The following PCDHB13 variants were observed in gnomAD, a reference collection of about 807,000 sequenced individuals.
PCDHB13 encodes the protein protocadherin beta-13.
For synonymous variants in PCDHB13, 515 were observed against 450.7 expected, an observed-to-expected ratio of 1.14 and a Z score of -1.81; for missense variants, 1,065 against 1,016.7, an observed-to-expected ratio of 1.05 and a Z score of -0.65.
rs1754663980 is a variant in PCDHB13 at position 141,218,534 on chromosome 5, G to C, written c.*2014G>C. Reference sequence around the variant, plus strand: ...GCTCACTGAAGCCTTGACCTCCTGGGCTCAAGCAATCCTCCTGACGCAGCA... The same window carrying C: ...GCTCACTGAAGCCTTGACCTCCTGGCCTCAAGCAATCCTCCTGACGCAGCA... On this transcript the variant is annotated 3_prime_UTR_variant, in exon 1 of 1. Coordinates refer to ENST00000341948, the MANE Select transcript of PCDHB13 (RefSeq NM_018933.4). The C allele has an allele frequency of 6.5e-6, 1 of 153,406 alleles. No homozygotes were observed. Among genetic ancestry groups the C allele is most frequent in the Non-Finnish European group, 1.5e-5 (1 of 68,188 alleles). 9.5% of individuals were successfully genotyped at this position (153,406 alleles called of 1,614,324 possible). A position where few individuals can be genotyped will look rare whatever the true frequency, so the allele number is the denominator to read the frequency against.
Position 141,215,433 on chromosome 5 carries a change from T to C in PCDHB13, c.1310T>C (p.Met437Thr), listed in dbSNP as rs782704651. The change falls in exon 1 of 1, where the codon ATG (methionine) becomes ACG (threonine). Residue 437 changes from methionine (M) to threonine (T), a missense_variant. Met to Thr is a moderately conservative substitution (Grantham distance 81). Coordinates refer to ENST00000341948, the MANE Select transcript of PCDHB13 (RefSeq NM_018933.4). Reference sequence around the variant, plus strand: ...CCTATGCTGATAACACAGCTCAATATGACCGTGCTGATCGCCGATGTCAAT... The same window carrying C: ...CCTATGCTGATAACACAGCTCAATACGACCGTGCTGATCGCCGATGTCAAT... ...GTPMLITQLNMTVLIADVNDN... is the reference protein window; with the variant it reads ...GTPMLITQLNTTVLIADVNDN... The C allele has an allele frequency of 8.1e-6, 13 of 1,614,062 alleles. No individual in the cohort carries two copies. In the South Asian group the frequency reaches 1.4e-4, roughly 18 times the overall value.
In PCDHB13 at chr5:141,215,380, C is replaced by G. The variant is rs1754569231; in HGVS notation, c.1257C>G (p.Ile419Met). Residue 419 changes from isoleucine (I) to methionine (M), a missense_variant, in exon 1 of 1, where the codon ATC (isoleucine) becomes ATG (methionine). By Grantham distance (10) the Ile-to-Met change is conservative. Coordinates refer to ENST00000341948, the MANE Select transcript of PCDHB13 (RefSeq NM_018933.4). ...LDRESRAEYN[I>M]TITVTDLGTP... Reference sequence around the variant, plus strand: ...GAGAAAGCAGAGCGGAATACAACATCACTATCACTGTCACTGACTTGGGGA... The same window carrying G: ...GAGAAAGCAGAGCGGAATACAACATGACTATCACTGTCACTGACTTGGGGA... 3 of 1,614,078 alleles carry G rather than the reference C, an allele frequency of 1.9e-6. No individual in the cohort carries two copies. The highest frequency in any genetic ancestry group is 2.5e-6 in the Non-Finnish European group (3 of 1,180,062).
chr5:141,216,517 G>A lies in PCDHB13; in HGVS notation c.2394G>A (p.Gln798=), dbSNP rs782767247. ...TFPNNFGFNI[Q] Reference sequence around the variant, plus strand: ...CCAATAACTTTGGGTTCAATATTCAGTGACCATAGTTGACTTTTACATTCC... The same window carrying A: ...CCAATAACTTTGGGTTCAATATTCAATGACCATAGTTGACTTTTACATTCC... Residue 798 remains glutamine, a synonymous_variant, in exon 1 of 1, where the codon CAG becomes CAA. Transcript: ENST00000341948. 2.3e-5 allele frequency: 37 copies of A among 1,609,880 alleles called. No individual in the cohort carries two copies. The highest frequency in any genetic ancestry group is 3.0e-5 in the Non-Finnish European group (35 of 1,176,434).
chr5:141,216,114 A>G lies in PCDHB13; in HGVS notation c.1991A>G (p.Asp664Gly), dbSNP rs1370148055. 3.1e-6 allele frequency: 5 copies of G among 1,608,878 alleles called. No homozygotes were observed. In the African/African-American group the frequency reaches 6.7e-5, roughly 21 times the overall value. ...ATATLHVLLV[D>G]GFSQPYLPLP... ...GCCACGCTGCACGTGCTCCTGGTGG[A>G]CGGCTTCTCCCAGCCCTACCTGCCT... is the stretch of plus-strand genomic sequence containing the variant. The change falls in exon 1 of 1, where the codon GAC (aspartate) becomes GGC (glycine). Residue 664 changes from aspartate to glycine, a missense_variant. Asp to Gly is a moderately conservative substitution (Grantham distance 94). Transcript: ENST00000341948.
At position 141,216,916 on chromosome 5, in the gene PCDHB13, C is replaced by T. The variant is rs1174446618; in HGVS notation, c.*396C>T. The T allele has an allele frequency of 3.5e-6, 1 of 282,910 alleles. No individual in the cohort carries two copies. The allele number at this position is 282,910 out of a possible 1,614,324, so 17.5% of individuals were successfully genotyped here. On this transcript the variant is annotated 3_prime_UTR_variant, in exon 1 of 1. Coordinates refer to ENST00000341948, the MANE Select transcript of PCDHB13 (RefSeq NM_018933.4). ...TTTTTTAGTCTTAAAATAATGACTCCTATTCAGACATATCATTTTTCTTTT... is the reference window on the plus strand; with the variant it reads ...TTTTTTAGTCTTAAAATAATGACTCTTATTCAGACATATCATTTTTCTTTT...
chr5:141,215,712 G>T lies in PCDHB13; in HGVS notation c.1589G>T (p.Arg530Leu), dbSNP rs1554287992. Residue 530 changes from arginine (R) to leucine (L), a missense_variant, in exon 1 of 1, where the codon CGC (arginine) becomes CTC (leucine). Coordinates refer to ENST00000341948, the MANE Select transcript of PCDHB13 (RefSeq NM_018933.4). ...DYEALQGFQF[R>L]VGASDHGSPA... The stretch of plus-strand genomic sequence containing the variant: ...GAGGCCCTGCAGGGGTTCCAGTTCC[G>T]CGTGGGCGCTTCAGACCACGGCTCC... The T allele has an allele frequency of 9.9e-6, 16 of 1,612,590 alleles. No homozygotes were observed. Among genetic ancestry groups the T allele is most frequent in the Middle Eastern group, 2.0e-4 (1 of 4,982 alleles).
chr5:141,216,358 A>G lies in PCDHB13; in HGVS notation c.2235A>G (p.Leu745=), dbSNP rs782350694. The G allele has an allele frequency of 1.9e-6, 3 of 1,613,866 alleles. No homozygotes were observed. The highest frequency in any genetic ancestry group is 1.3e-5 in the African/African-American group (1 of 74,842). Residue 745 remains leucine (L), a synonymous_variant, in exon 1 of 1, where the codon CTA becomes CTG. Coordinates refer to ENST00000341948, the MANE Select transcript of PCDHB13 (RefSeq NM_018933.4). ...TGGACATGAGCGGCACCAGGACCCT[A>G]TCCCAGAGCTACCAGTATGAGGTGT... The part of the protein sequence containing the change: ...HLVDMSGTRT[L]SQSYQYEVCL...
rs781983273 is a variant in PCDHB13 at position 141,216,071 on chromosome 5, C to T, written c.1948C>T (p.Pro650Ser). The T allele has an allele frequency of 4.4e-6, 7 of 1,605,942 alleles. No homozygotes were observed. The South Asian group carries it at 5.5e-5, about 13-fold the overall frequency. The change falls in exon 1 of 1, where the codon CCT becomes TCT. Residue 650 changes from proline (P) to serine (S), a missense_variant. By Grantham distance (74) the Pro-to-Ser change is moderately conservative. Transcript: ENST00000341948. ...GGTGCTGGTCAAGGACAATGGCGAGCCTCCGCGCTCGGCCACCGCCACGCT... is the reference window on the plus strand; with the variant it reads ...GGTGCTGGTCAAGGACAATGGCGAGTCTCCGCGCTCGGCCACCGCCACGCT... ...LVVLVKDNGE[P>S]PRSATATLHV... is the part of the protein sequence containing the mutation.
At position 141,216,280 on chromosome 5, in the gene PCDHB13, G is replaced by C; in HGVS notation, c.2157G>C (p.Ala719=). ...TGCGGCTGTGTAGGAGGAGCAGGGCGGCCTCGGTGGGTCGCTGCTTGGTGC... is the reference window on the plus strand; with the variant it reads ...TGCGGCTGTGTAGGAGGAGCAGGGCCGCCTCGGTGGGTCGCTGCTTGGTGC... The part of the protein sequence containing the change: ...VAVRLCRRSR[A]ASVGRCLVPE... Residue 719 remains alanine, a synonymous_variant, in exon 1 of 1, where the codon GCG becomes GCC. Coordinates refer to ENST00000341948, the MANE Select transcript of PCDHB13 (RefSeq NM_018933.4). 6.2e-7 allele frequency: 1 copy of C among 1,613,926 alleles called. No homozygotes were observed. Among genetic ancestry groups the C allele is most frequent in the Non-Finnish European group, 8.5e-7 (1 of 1,180,032 alleles).
rs1299875709 is a variant in PCDHB13, at chr5:141,214,019, C to T, written c.-105C>T. The T allele has an allele frequency of 3.7e-5, 50 of 1,348,908 alleles. No homozygotes were observed. The highest frequency in any genetic ancestry group is 4.9e-5 in the Non-Finnish European group (47 of 964,116). 83.6% of individuals were successfully genotyped at this position (1,348,908 alleles called of 1,614,324 possible). On this transcript the variant is annotated 5_prime_UTR_variant, in exon 1 of 1. Coordinates refer to ENST00000341948, the MANE Select transcript of PCDHB13 (RefSeq NM_018933.4). Reference sequence around the variant, plus strand: ...TGGGTCCTCTGGAGAGGACTACTCACTGGCATATTTCTGAGGTATCTGTAG... The same window carrying T: ...TGGGTCCTCTGGAGAGGACTACTCATTGGCATATTTCTGAGGTATCTGTAG...
rs61739278 is a variant in PCDHB13 at position 141,216,145 on chromosome 5, G to T, written c.2022G>T (p.Pro674=). The change falls in exon 1 of 1, where the codon CCG becomes CCT. Residue 674 remains proline, a synonymous_variant. Transcript: ENST00000341948. ...DGFSQPYLPL[P]EAAPTQAQAD... ...TCTCCCAGCCCTACCTGCCTCTCCC[G>T]GAGGCGGCCCCGACCCAGGCCCAGG... The T allele has an allele frequency of 1.6e-4, 262 of 1,611,214 alleles. 1 individual carries two copies. The highest frequency in any genetic ancestry group is 3.2e-4 in the African/African-American group (24 of 75,026).
Position 141,215,177 on chromosome 5 carries a change from G to A in PCDHB13, c.1054G>A (p.Ala352Thr), listed in dbSNP as rs1754560114. ...NDHAPEVTMS[A>T]FTSPIPENAP... ...CCATGCCCCAGAAGTTACCATGTCT[G>A]CATTTACCAGCCCAATACCTGAGAA... Residue 352 changes from alanine to threonine, a missense_variant, in exon 1 of 1, where the codon GCA becomes ACA. Ala to Thr is a moderately conservative substitution (Grantham distance 58, BLOSUM62 0). Transcript: ENST00000341948. 1 of 1,614,144 alleles carries A rather than the reference G, an allele frequency of 6.2e-7. No individual in the cohort carries two copies. Among genetic ancestry groups the A allele is most frequent in the African/African-American group, 1.3e-5 (1 of 75,034 alleles).
rs1288641093 is a variant in PCDHB13, at chr5:141,216,792, C to CT, written c.*275dup. 1 of 494,502 alleles carries CT rather than the reference C, an allele frequency of 2.0e-6. No individual in the cohort carries two copies. Among genetic ancestry groups the CT allele is most frequent in the Non-Finnish European group, 3.8e-6 (1 of 264,476 alleles). The allele number at this position is 494,502 out of a possible 1,614,324, so 30.6% of individuals were successfully genotyped here. ...AATCACATTTTTTTCATGCCCCTAT[C>CT]TTTAGCTGAACTTCACCCACTATTA... is the stretch of plus-strand genomic sequence containing the variant. On this transcript the variant is annotated 3_prime_UTR_variant, in exon 1 of 1. Transcript: ENST00000341948.
In PCDHB13 at chr5:141,217,751, A is replaced by G. The variant is rs1554288342; in HGVS notation, c.*1231A>G. 1 of 167,170 alleles carries G rather than the reference A, an allele frequency of 6.0e-6. No individual in the cohort carries two copies. The highest frequency in any genetic ancestry group is 2.1e-4 in the South Asian group (1 of 4,830). The allele number at this position is 167,170 out of a possible 1,614,324, so 10.4% of individuals were successfully genotyped here. On this transcript the variant is annotated 3_prime_UTR_variant, in exon 1 of 1. Coordinates refer to ENST00000341948, the MANE Select transcript of PCDHB13 (RefSeq NM_018933.4). Reference sequence around the variant, plus strand: ...TCAAGGTTGGAGGAGGAGATTTTCCATGACTTTTATCAAAGTCTACAGTCT... The same window carrying G: ...TCAAGGTTGGAGGAGGAGATTTTCCGTGACTTTTATCAAAGTCTACAGTCT...
chr5:141,216,394 A>T lies in PCDHB13; in HGVS notation c.2271A>T (p.Gly757=), dbSNP rs1554288195. The change falls in exon 1 of 1, where the codon GGA becomes GGT. Residue 757 remains glycine (G), a synonymous_variant. Transcript: ENST00000341948. ...ACCAGTATGAGGTGTGTCTGGCAGG[A>T]GGCTCAGGGACCAATGAGTTCAAGT... ...QSYQYEVCLA[G]GSGTNEFKFL... The T allele has an allele frequency of 6.2e-7, 1 of 1,614,134 alleles. No individual in the cohort carries two copies. Among genetic ancestry groups the T allele is most frequent in the South Asian group, 1.1e-5 (1 of 91,074 alleles).
chr5:141,215,400 T>TGG lies in PCDHB13; in HGVS notation c.1280_1281dup (p.Thr428GlyfsTer5). ...AACATCACTATCACTGTCACTGACTTGGGGACCCCTATGCTGATAACACAG... is the reference window on the plus strand; with the variant it reads ...AACATCACTATCACTGTCACTGACTTGGGGGGACCCCTATGCTGATAACACAG... On this transcript the variant is annotated frameshift_variant, in exon 1 of 1. Coordinates refer to ENST00000341948, the MANE Select transcript of PCDHB13 (RefSeq NM_018933.4). LOFTEE classifies it low-confidence loss of function (END_TRUNC). 6.2e-7 allele frequency: 1 copy of TGG among 1,614,170 alleles called. No individual in the cohort carries two copies. The highest frequency in any genetic ancestry group is 1.3e-5 in the African/African-American group (1 of 75,028).
At position 141,215,031 on chromosome 5, in the gene PCDHB13, A is replaced by G. The variant is rs782570585; in HGVS notation, c.908A>G (p.Glu303Gly). The change falls in exon 1 of 1, where the codon GAA becomes GGA. Residue 303 changes from glutamate to glycine, a missense_variant. Physicochemically the swap from Glu to Gly is moderately conservative, Grantham distance 98. Coordinates refer to ENST00000341948, the MANE Select transcript of PCDHB13 (RefSeq NM_018933.4). ...FKINPLTGEI[E>G]LKKQLDFEKL... Reference sequence around the variant, plus strand: ...ATCAATCCCTTGACAGGAGAAATTGAACTAAAAAAACAACTCGATTTCGAA... The same window carrying G: ...ATCAATCCCTTGACAGGAGAAATTGGACTAAAAAAACAACTCGATTTCGAA... The G allele has an allele frequency of 1.1e-5, 17 of 1,614,202 alleles. No individual in the cohort carries two copies. The highest frequency in any genetic ancestry group is 1.3e-5 in the African/African-American group (1 of 75,042).
Position 141,216,133 on chromosome 5 carries a change from C to T in PCDHB13, c.2010C>T (p.Tyr670=). The change falls in exon 1 of 1, where the codon TAC becomes TAT. Residue 670 remains tyrosine (Y), a synonymous_variant. Coordinates refer to ENST00000341948, the MANE Select transcript of PCDHB13 (RefSeq NM_018933.4). ...TGGTGGACGGCTTCTCCCAGCCCTACCTGCCTCTCCCGGAGGCGGCCCCGA... is the reference window on the plus strand; with the variant it reads ...TGGTGGACGGCTTCTCCCAGCCCTATCTGCCTCTCCCGGAGGCGGCCCCGA... The part of the protein sequence containing the change: ...VLLVDGFSQP[Y]LPLPEAAPTQ... 1 of 1,610,606 alleles carries T rather than the reference C, an allele frequency of 6.2e-7. No homozygotes were observed. Among genetic ancestry groups the T allele is most frequent in the Non-Finnish European group, 8.5e-7 (1 of 1,179,784 alleles).
In PCDHB13 at chr5:141,216,089, G is replaced by T; in HGVS notation, c.1966G>T (p.Ala656Ser). Reference protein sequence around the residue: ...DNGEPPRSATATLHVLLVDGF... With the variant: ...DNGEPPRSATSTLHVLLVDGF... ...TGGCGAGCCTCCGCGCTCGGCCACC[G>T]CCACGCTGCACGTGCTCCTGGTGGA... Residue 656 changes from alanine to serine, a missense_variant, in exon 1 of 1, where the codon GCC (alanine) becomes TCC (serine). By Grantham distance (99) the Ala-to-Ser change is moderately conservative. Transcript: ENST00000341948. 4 of 1,606,938 alleles carry T rather than the reference G, an allele frequency of 2.5e-6. No homozygotes were observed. The highest frequency in any genetic ancestry group is 3.4e-6 in the Non-Finnish European group (4 of 1,179,586).
Sources: gnomAD v4.1 joint callset for allele counts on GRCh38, gnomAD v4.1.1 for gene constraint, MANE v1.5 for transcripts, NCBI Gene and HGNC (gene_info 2026-07-23, HGNC 2026-07-21) for gene names.